Variants in CRTC1 observed in about 807,000 individuals in gnomAD.
CRTC1 encodes CREB-regulated transcription coactivator 1.
Under a neutral mutation model 66.1 loss-of-function variants are expected in CRTC1, and 18 were observed. The observed-to-expected ratio is 0.27, with a 90% confidence interval of 0.19 to 0.40. The LOEUF is 0.40. Among genes scored for constraint, CRTC1 ranks in the 10% least tolerant of loss-of-function variants. The pLI is 1.00. For missense variants in CRTC1, 669 were observed against 887.9 expected (o/e 0.75, Z 3.13); for synonymous variants, 416 against 398.8 (o/e 1.04, Z -0.51).
chr19:18,733,483 T>C (rs1484834732), intron 1 of CRTC1, among the ~76,000 whole-genome samples: 1 of 152,170 alleles, frequency 6.6e-6, no homozygotes, highest in Admixed American at 6.5e-5. Context: ...GCCTGGTGTT[T>C]GTATATGTGG....
chr19:18,718,496 A>G (rs970647268), intron 1 of CRTC1, among the ~76,000 whole-genome samples: 1 of 148,790 alleles, frequency 6.7e-6, no homozygotes, highest in Non-Finnish European at 1.5e-5. Context: ...ACCACCATGC[A>G]TGCCTGGCTA....
chr19:18,766,914 T>C (rs8106846), intron 9 of CRTC1, among the ~76,000 whole-genome samples: 9,592 of 152,282 alleles, frequency 0.063, 1,007 homozygotes, highest in African/African-American at 0.22. Flanking sequence ...TTAATTCCTC[T>C]TTAAAAGTTT....
At chr19:18,727,704 A>G (rs937223022) in intron 1 of CRTC1, among the ~76,000 whole-genome samples, 1 of 151,508 alleles carries the variant, frequency 6.6e-6, no homozygotes, top group Admixed American at 6.6e-5. Flanking sequence ...CAGCTGGGAG[A>G]GAGGCCACCT....
chr19:18,684,444 G>C (rs2052640008), intron 1 of CRTC1, among the ~76,000 whole-genome samples: 1 of 152,098 alleles, frequency 6.6e-6, no homozygotes, highest in Non-Finnish European at 1.5e-5. Context: ...GGGGAGGAAC[G>C]GATGTCCCCA....
chr19:18,745,729 C>T (rs1254763810), intron 2 of CRTC1, 94 bp from the exon 3 acceptor site: 6 of 1,515,318 alleles, frequency 4.0e-6, no homozygotes, highest in Non-Finnish European at 4.6e-6. Context: ...GAGTGGGGGG[C>T]CCTGCGATCA....
intron 1 of CRTC1, among the ~76,000 whole-genome samples, chr19:18,685,483 CCT>C (rs1227551429): frequency 6.6e-6 from 1 of 152,084 alleles, no homozygotes; most frequent in Non-Finnish European, 1.5e-5. Context: ...GTGGTGAAAC[CCT>C]GTCTGTACTA....
chr19:18,696,471 C>T (rs536793433), intron 1 of CRTC1, among the ~76,000 whole-genome samples: 2 of 152,156 alleles, frequency 1.3e-5, no homozygotes, highest in Non-Finnish European at 2.9e-5. Context: ...GTTGCAGTAA[C>T]TCATGAGAAA....
chr19:18,713,298 GC>G (rs1341146328), intron 1 of CRTC1, among the ~76,000 whole-genome samples: 1 of 152,216 alleles, frequency 6.6e-6, no homozygotes, highest in Admixed American at 6.5e-5. Context: ...CTGTTGATGG[GC>G]ATTTGGCCTG....
At position 18,771,414 on chromosome 19, in the gene CRTC1, C is replaced by G; in HGVS notation, c.1321-28C>G. ...AGCCCGGGCTTGGGCAGCTGGGCTG[C>G]GGCGTGCTGATCTGTCTGTCATCGC... On this transcript the variant is annotated intron_variant, in intron 10 of 13. Coordinates refer to ENST00000321949, the MANE Select transcript of CRTC1 (RefSeq NM_015321.3). This position sits in a 1 kb window ranked among gnomAD's most constrained non-coding sequence, Gnocchi z 4.6. The G allele has an allele frequency of 1.3e-6, 2 of 1,584,140 alleles. No homozygotes were observed. The highest frequency in any genetic ancestry group is 1.7e-6 in the Non-Finnish European group (2 of 1,163,094).
rs1023659569 is a variant in CRTC1 at position 18,780,291 on chromosome 19, G to A, written c.*2909G>A. 73 of 231,526 alleles carry A rather than the reference G, an allele frequency of 3.2e-4. 1 individual carries two copies. The East Asian group carries it at 4.3e-3, about 14-fold the overall frequency. 14.3% of individuals were successfully genotyped at this position (231,526 alleles called of 1,614,324 possible). On this transcript the variant is annotated 3_prime_UTR_variant, in exon 14 of 14. Coordinates refer to ENST00000321949, the MANE Select transcript of CRTC1 (RefSeq NM_015321.3). ...GCTGGGTACATCGGTCCCCTACGGC[G>A]AAGTTCAGCCAGGGCTCTCCCTCCT...
rs534827659 is a variant in CRTC1 at position 18,769,009 on chromosome 19, C to T, written c.1320+216C>T. Among the ~76,000 whole-genome samples the T allele has an allele frequency of 2.4e-4, 36 of 152,380 alleles. No individual in the cohort carries two copies. In the South Asian group the frequency reaches 7.4e-3, roughly 32 times the overall value. ...GAGAAACTGAGGCACGAGCAGGTGGCTGGCCCCAGATTCCACCCAAGGTGG... is the reference window on the plus strand; with the variant it reads ...GAGAAACTGAGGCACGAGCAGGTGGTTGGCCCCAGATTCCACCCAAGGTGG... On this transcript the variant is annotated intron_variant, in intron 10 of 13. Transcript: ENST00000321949.
chr19:18,755,484 CA>C (rs1600953838), intron 6 of CRTC1, among the ~76,000 whole-genome samples: 1 of 151,388 alleles, frequency 6.6e-6, no homozygotes, highest in East Asian at 2.0e-4. Flanking sequence ...TGCTGGAGTG[CA>C]ATGGTAGGAA....
At chr19:18,770,872 G>T (rs1055221069) in intron 10 of CRTC1, among the ~76,000 whole-genome samples, 1 of 151,782 alleles carries the variant, frequency 6.6e-6, no homozygotes, top group African/African-American at 2.4e-5. Flanking sequence ...GCATGCGTGG[G>T]TGTGTACATT....
At chr19:18,730,277 T>C (rs1044696406) in intron 1 of CRTC1, among the ~76,000 whole-genome samples, 2 of 151,898 alleles carry the variant, frequency 1.3e-5, no homozygotes, top group African/African-American at 4.8e-5. Context: ...TCACTCAGGG[T>C]CCCTCCTGCC....
chr19:18,686,847 G>A (rs1357005099), intron 1 of CRTC1, among the ~76,000 whole-genome samples: 1 of 151,900 alleles, frequency 6.6e-6, no homozygotes, highest in Non-Finnish European at 1.5e-5. Context: ...GGGGACACTT[G>A]GTGATGTCTG....
chr19:18,742,511 C>T (rs2054133492), intron 1 of CRTC1, among the ~76,000 whole-genome samples: 1 of 152,258 alleles, frequency 6.6e-6, no homozygotes, highest in South Asian at 2.1e-4. Context: ...GCCGCCTGGC[C>T]TGCCAAGTCA....
intron 1 of CRTC1, among the ~76,000 whole-genome samples, chr19:18,719,136 G>A (rs1193045353): frequency 1.3e-5 from 2 of 152,186 alleles, no homozygotes; most frequent in African/African-American, 4.8e-5. Context: ...GCAGGCAGAG[G>A]AAAGGGACAC....
chr19:18,756,643 A>G (rs1277089785), intron 6 of CRTC1, among the ~76,000 whole-genome samples: 1 of 152,010 alleles, frequency 6.6e-6, no homozygotes, highest in Non-Finnish European at 1.5e-5. Context: ...ACAACAAACA[A>G]AACAAGAAAA....
Position 18,740,113 on chromosome 19 carries a change from T to A in CRTC1, c.127-2797T>A, listed in dbSNP as rs146113661. Among the ~76,000 whole-genome samples, 403 of 151,790 alleles carry A rather than the reference T, an allele frequency of 2.7e-3. 4 individuals are homozygous for A. Among genetic ancestry groups the A allele is most frequent in the African/African-American group, 9.5e-3 (391 of 41,338 alleles). On this transcript the variant is annotated intron_variant, in intron 1 of 13. Transcript: ENST00000321949. The stretch of plus-strand genomic sequence containing the variant: ...ACTAAAAATACAAAAATTAGCTGGG[T>A]GTGGTGTTGCATACCTGTAATCCCA...
Sources: allele counts gnomAD v4.1 joint callset (sites outside exome capture counted in the v4.1 genomes callset), GRCh38; gene constraint gnomAD v4.1.1; non-coding constraint Gnocchi (gnomAD v3.1); transcripts MANE v1.5; gene names NCBI Gene and HGNC (gene_info 2026-07-23, HGNC 2026-07-21).